Variants in SPEM2 observed in about 807,000 individuals in gnomAD.
The protein encoded by SPEM2 is uncharacterized protein SPEM2.
Under a neutral mutation model 9.3 loss-of-function variants are expected in SPEM2, and 15 were observed. The observed-to-expected ratio is 1.62, with a 90% confidence interval of 1.08 to 2.50. The LOEUF (loss-of-function observed/expected upper bound fraction) is 2.50, where lower values mean the gene tolerates loss of function less well. SPEM2 is among the 30% of genes most tolerant of loss of function. SPEM2 has a pLI of 0.00. For missense variants in SPEM2, 678 were observed against 690.0 expected (o/e 0.98, Z 0.19); for synonymous variants, 268 against 272.4 (o/e 0.98, Z 0.16).
chr17:7,425,680 C>T lies in SPEM2; in HGVS notation c.-9C>T, dbSNP rs759680333. 2 of 1,612,844 alleles carry T rather than the reference C, an allele frequency of 1.2e-6. No individual in the cohort carries two copies. Among genetic ancestry groups the T allele is most frequent in the Admixed American group, 1.7e-5 (1 of 59,942 alleles). ...GGGGTGGCCCAGGTGGCCCTAGGAC[C>T]CCCCCTCCATGGAAAACCAGCTATG... is the stretch of plus-strand genomic sequence containing the variant. On this transcript the variant is annotated 5_prime_UTR_variant, in exon 1 of 3. Coordinates refer to ENST00000333870, the MANE Select transcript of SPEM2 (RefSeq NM_175734.5).
rs115992886 is a variant in SPEM2, at chr17:7,426,013, C to A, written c.159C>A (p.Asn53Lys). The A allele has an allele frequency of 1.2e-6, 2 of 1,614,176 alleles. No homozygotes were observed. Among genetic ancestry groups the A allele is most frequent in the South Asian group, 1.1e-5 (1 of 91,088 alleles). Reference protein sequence around the residue: ...VATMMWHGLQNALDKMIDWAT... With the variant: ...VATMMWHGLQKALDKMIDWAT... Reference sequence around the variant, plus strand: ...CCCAGATGTGGCATGGACTCCAGAACGCCTTAGACAAGATGATTGATTGGG... The same window carrying A: ...CCCAGATGTGGCATGGACTCCAGAAAGCCTTAGACAAGATGATTGATTGGG... Residue 53 changes from asparagine (N) to lysine (K), a missense_variant, in exon 2 of 3, where the codon AAC becomes AAA. Coordinates refer to ENST00000333870, the MANE Select transcript of SPEM2 (RefSeq NM_175734.5). The surrounding 1 kb of genome is among the most constrained non-coding windows in gnomAD (Gnocchi z 5.3).
Position 7,426,443 on chromosome 17 carries a change from TC to T in SPEM2, c.457del (p.His153IlefsTer95), listed in dbSNP as rs1171031583. 1 of 1,613,384 alleles carries T rather than the reference TC, an allele frequency of 6.2e-7. No homozygotes were observed. Among genetic ancestry groups the T allele is most frequent in the African/African-American group, 1.3e-5 (1 of 74,806 alleles). ...HQQRPQNYRQ[I>X]PHSHSVFRNP... ...CAGCGGCCGCAGAACTACAGACAAA[TC>T]CCCCATAGCCACTCAGTCTTCCGTA... On this transcript the variant is annotated frameshift_variant, in exon 3 of 3. Coordinates refer to ENST00000333870, the MANE Select transcript of SPEM2 (RefSeq NM_175734.5). LOFTEE classifies it low-confidence loss of function (END_TRUNC). This position sits in a 1 kb window ranked among gnomAD's most constrained non-coding sequence, Gnocchi z 5.3.
rs1187264958 is a variant in SPEM2, at chr17:7,426,692, T to C, written c.701T>C (p.Leu234Pro). 3 of 1,613,870 alleles carry C rather than the reference T, an allele frequency of 1.9e-6. No homozygotes were observed. Among genetic ancestry groups the C allele is most frequent in the African/African-American group, 2.7e-5 (2 of 74,924 alleles). ...GILASLPPPSLYLSPELRCMP... is the reference protein window; with the variant it reads ...GILASLPPPSPYLSPELRCMP... ...CTGGCCAGTCTGCCACCACCCTCTC[T>C]CTACCTGTCACCTGAGCTGCGCTGC... Residue 234 changes from leucine to proline, a missense_variant, in exon 3 of 3, where the codon CTC (leucine) becomes CCC (proline). Leu to Pro is a moderately conservative substitution (Grantham distance 98). Transcript: ENST00000333870. This position sits in a 1 kb window ranked among gnomAD's most constrained non-coding sequence, Gnocchi z 5.3.
Position 7,426,030 on chromosome 17 carries a change from T to C in SPEM2, c.176T>C (p.Ile59Thr). 1 of 1,614,114 alleles carries C rather than the reference T, an allele frequency of 6.2e-7. No individual in the cohort carries two copies. Among genetic ancestry groups the C allele is most frequent in the Non-Finnish European group, 8.5e-7 (1 of 1,180,028 alleles). ...CTCCAGAACGCCTTAGACAAGATGATTGATTGGGCTACTCAGAAAAGTAAG... is the reference window on the plus strand; with the variant it reads ...CTCCAGAACGCCTTAGACAAGATGACTGATTGGGCTACTCAGAAAAGTAAG... ...HGLQNALDKM[I>T]DWATQKNEIQ... Residue 59 changes from isoleucine to threonine, a missense_variant, in exon 2 of 3, where the codon ATT (isoleucine) becomes ACT (threonine). Transcript: ENST00000333870. The surrounding 1 kb of genome is among the most constrained non-coding windows in gnomAD (Gnocchi z 5.3).
Position 7,425,768 on chromosome 17 carries a change from T to C in SPEM2, c.80T>C (p.Leu27Ser). The C allele has an allele frequency of 6.2e-7, 1 of 1,614,214 alleles. No homozygotes were observed. Among genetic ancestry groups the C allele is most frequent in the South Asian group, 1.1e-5 (1 of 91,092 alleles). ...AGCCCCCACGATGCCGAGGACATCT[T>C]ACTCCTGCTGCTGGGCCTCATCGTT... ...QESPHDAEDI[L>S]LLLLGLIVLV... Residue 27 changes from leucine (L) to serine (S), a missense_variant, in exon 1 of 3, where the codon TTA becomes TCA. Leu to Ser is a moderately radical substitution (Grantham distance 145). Coordinates refer to ENST00000333870, the MANE Select transcript of SPEM2 (RefSeq NM_175734.5).
rs532822142 is a variant in SPEM2, at chr17:7,426,421, C to T, written c.430C>T (p.Arg144Trp). The change falls in exon 3 of 3, where the codon CGG (arginine) becomes TGG (tryptophan). Residue 144 changes from arginine (R) to tryptophan (W), a missense_variant. Arg to Trp is a moderately radical substitution (Grantham distance 101, BLOSUM62 -3). Transcript: ENST00000333870. The surrounding 1 kb of genome is among the most constrained non-coding windows in gnomAD (Gnocchi z 5.3). ...CRRRCCNHQQ[R>W]PQNYRQIPHS... ...CCGTCGCTGCTGCAACCACCAGCAGCGGCCGCAGAACTACAGACAAATCCC... is the reference window on the plus strand; with the variant it reads ...CCGTCGCTGCTGCAACCACCAGCAGTGGCCGCAGAACTACAGACAAATCCC... The T allele has an allele frequency of 1.5e-4, 237 of 1,613,652 alleles. 1 individual carries two copies. The East Asian group carries it at 2.6e-3, about 17-fold the overall frequency.
chr17:7,425,628 G>A lies in SPEM2; in HGVS notation c.-61G>A. ...GGGGATTGGCATGAGTGCAGTGTGG[G>A]TTGGGGCCGGGGGTGGGGGGCAGAG... On this transcript the variant is annotated 5_prime_UTR_variant, in exon 1 of 3. Coordinates refer to ENST00000333870, the MANE Select transcript of SPEM2 (RefSeq NM_175734.5). The A allele has an allele frequency of 6.5e-7, 1 of 1,540,058 alleles. No individual in the cohort carries two copies. Among genetic ancestry groups the A allele is most frequent in the Non-Finnish European group, 8.8e-7 (1 of 1,141,640 alleles).
Position 7,426,201 on chromosome 17 carries a change from C to A in SPEM2, c.210C>A (p.Ala70=), listed in dbSNP as rs773820752. 6.2e-7 allele frequency: 1 copy of A among 1,613,348 alleles called. No homozygotes were observed. The highest frequency in any genetic ancestry group is 1.1e-5 in the South Asian group (1 of 91,050). Residue 70 remains alanine (A), a synonymous_variant, in exon 3 of 3, where the codon GCC becomes GCA. Coordinates refer to ENST00000333870, the MANE Select transcript of SPEM2 (RefSeq NM_175734.5). This position sits in a 1 kb window ranked among gnomAD's most constrained non-coding sequence, Gnocchi z 5.3. ...DWATQKNEIQ[A]SESPPSGPPD... Reference sequence around the variant, plus strand: ...TGCCTTCCCCAGATGAAATTCAGGCCAGTGAAAGTCCCCCAAGTGGTCCCC... The same window carrying A: ...TGCCTTCCCCAGATGAAATTCAGGCAAGTGAAAGTCCCCCAAGTGGTCCCC...
rs745414742 is a variant in SPEM2 at position 7,426,044 on chromosome 17, CA to C, written c.191del (p.Gln64ArgfsTer33). Reference protein sequence around the residue: ...ALDKMIDWATQKNEIQASESP... With the variant: ...ALDKMIDWATXKNEIQASESP... ...AGACAAGATGATTGATTGGGCTACT[CA>C]GAAAAGTAAGTGTGGCTGCTGGAGA... On this transcript the variant is annotated frameshift_variant, in exon 2 of 3. Coordinates refer to ENST00000333870, the MANE Select transcript of SPEM2 (RefSeq NM_175734.5). LOFTEE classifies it low-confidence loss of function (END_TRUNC). The surrounding 1 kb of genome is among the most constrained non-coding windows in gnomAD (Gnocchi z 5.3). The C allele has an allele frequency of 7.4e-5, 119 of 1,614,050 alleles. No homozygotes were observed. The highest frequency in any genetic ancestry group is 9.8e-5 in the Non-Finnish European group (116 of 1,180,046).
chr17:7,426,274 C>G lies in SPEM2; in HGVS notation c.283C>G (p.Gln95Glu). ...CATCCACTGCATCCTGGACCCTGTG[C>G]AGGTGAAGATGTCCCGACCCACGCA... ...VHIHCILDPV[Q>E]VKMSRPTQYS... is the part of the protein sequence containing the mutation. The change falls in exon 3 of 3, where the codon CAG becomes GAG. Residue 95 changes from glutamine to glutamate, a missense_variant. Transcript: ENST00000333870. The surrounding 1 kb of genome is among the most constrained non-coding windows in gnomAD (Gnocchi z 5.3). 1 of 1,614,180 alleles carries G rather than the reference C, an allele frequency of 6.2e-7. No homozygotes were observed. Among genetic ancestry groups the G allele is most frequent in the Non-Finnish European group, 8.5e-7 (1 of 1,180,016 alleles).
At position 7,426,844 on chromosome 17, in the gene SPEM2, C is replaced by T. The variant is rs555691193; in HGVS notation, c.853C>T (p.Arg285Trp). Residue 285 changes from arginine to tryptophan, a missense_variant, in exon 3 of 3, where the codon CGG becomes TGG. Arg to Trp is a moderately radical substitution (Grantham distance 101). Transcript: ENST00000333870. This position sits in a 1 kb window ranked among gnomAD's most constrained non-coding sequence, Gnocchi z 5.3. ...QWASSPPPPH[R>W]LPPNPSWVPV... is the part of the protein sequence containing the mutation. ...GGCCTCGTCTCCACCACCTCCCCAC[C>T]GGCTGCCCCCTAACCCCTCTTGGGT... 8.8e-5 allele frequency: 142 copies of T among 1,610,160 alleles called. 2 individuals carry two copies. The South Asian group carries it at 1.3e-3, about 15-fold the overall frequency.
chr17:7,426,674 G>A lies in SPEM2; in HGVS notation c.683G>A (p.Ser228Asn). 1 of 1,614,022 alleles carries A rather than the reference G, an allele frequency of 6.2e-7. No individual in the cohort carries two copies. Among genetic ancestry groups the A allele is most frequent in the Non-Finnish European group, 8.5e-7 (1 of 1,180,002 alleles). ...LWGHQGGILA[S>N]LPPPSLYLSP... is the part of the protein sequence containing the mutation. ...GGCCACCAGGGTGGTATCCTGGCCA[G>A]TCTGCCACCACCCTCTCTCTACCTG... Residue 228 changes from serine (S) to asparagine (N), a missense_variant, in exon 3 of 3, where the codon AGT becomes AAT. Transcript: ENST00000333870. The surrounding 1 kb of genome is among the most constrained non-coding windows in gnomAD (Gnocchi z 5.3).
Position 7,426,256 on chromosome 17 carries a change from T to C in SPEM2, c.265T>C (p.Cys89Arg). 1 of 1,614,098 alleles carries C rather than the reference T, an allele frequency of 6.2e-7. No homozygotes were observed. Among genetic ancestry groups the C allele is most frequent in the Non-Finnish European group, 8.5e-7 (1 of 1,179,972 alleles). ...PDKAQDVHIH[C>R]ILDPVQVKMS... ...CAAGGCTCAGGATGTCCACATCCACTGCATCCTGGACCCTGTGCAGGTGAA... is the reference window on the plus strand; with the variant it reads ...CAAGGCTCAGGATGTCCACATCCACCGCATCCTGGACCCTGTGCAGGTGAA... Residue 89 changes from cysteine to arginine, a missense_variant, in exon 3 of 3, where the codon TGC (cysteine) becomes CGC (arginine). Cys to Arg is a radical substitution (Grantham distance 180, BLOSUM62 -3). Transcript: ENST00000333870. This position sits in a 1 kb window ranked among gnomAD's most constrained non-coding sequence, Gnocchi z 5.3.
Position 7,427,469 on chromosome 17 carries a change from A to C in SPEM2, c.1478A>C (p.His493Pro), listed in dbSNP as rs1597733529. 2 of 1,589,986 alleles carry C rather than the reference A, an allele frequency of 1.3e-6. No individual in the cohort carries two copies. The highest frequency in any genetic ancestry group is 2.2e-5 in the East Asian group (1 of 44,538). Residue 493 changes from histidine to proline, a missense_variant, in exon 3 of 3, where the codon CAC (histidine) becomes CCC (proline). Coordinates refer to ENST00000333870, the MANE Select transcript of SPEM2 (RefSeq NM_175734.5). The surrounding 1 kb of genome is among the most constrained non-coding windows in gnomAD (Gnocchi z 5.4). The stretch of plus-strand genomic sequence containing the variant: ...ACCTCCACCTTGAGGCCCTCTCTGC[A>C]CAGGAGCCAGACCGAGAAACTCAAC... Reference protein sequence around the residue: ...ASTSTLRPSLHRSQTEKLN With the variant: ...ASTSTLRPSLPRSQTEKLN
chr17:7,427,376 A>G lies in SPEM2; in HGVS notation c.1385A>G (p.Asp462Gly), dbSNP rs748174437. 5.0e-6 allele frequency: 8 copies of G among 1,613,842 alleles called. No individual in the cohort carries two copies. In the African/African-American group the frequency reaches 9.3e-5, roughly 19 times the overall value. ...GGCAATGCCAACTACCAGGTGTACGACAGCCTGGAGCTGAAGCGGCAGGTG... is the reference window on the plus strand; with the variant it reads ...GGCAATGCCAACTACCAGGTGTACGGCAGCCTGGAGCTGAAGCGGCAGGTG... ...PGGNANYQVY[D>G]SLELKRQVQK... Residue 462 changes from aspartate (D) to glycine (G), a missense_variant, in exon 3 of 3, where the codon GAC (aspartate) becomes GGC (glycine). Asp to Gly is a moderately conservative substitution (Grantham distance 94). Transcript: ENST00000333870. The surrounding 1 kb of genome is among the most constrained non-coding windows in gnomAD (Gnocchi z 5.4).
In SPEM2 at chr17:7,427,520, G is replaced by A. The variant is rs1023470007; in HGVS notation, c.*23G>A. 6 of 1,547,674 alleles carry A rather than the reference G, an allele frequency of 3.9e-6. No individual in the cohort carries two copies. Among genetic ancestry groups the A allele is most frequent in the Admixed American group, 1.9e-5 (1 of 52,064 alleles). On this transcript the variant is annotated 3_prime_UTR_variant, in exon 3 of 3. Transcript: ENST00000333870. The surrounding 1 kb of genome is among the most constrained non-coding windows in gnomAD (Gnocchi z 5.4). ...TGACCAGCAGGCGGATGTGGGGTGT[G>A]GGGCAGGGCATGGAGGGAGAGGAAT...
chr17:7,426,496 C>G lies in SPEM2; in HGVS notation c.505C>G (p.Gln169Glu). 1 of 1,614,070 alleles carries G rather than the reference C, an allele frequency of 6.2e-7. No homozygotes were observed. The highest frequency in any genetic ancestry group is 2.2e-5 in the East Asian group (1 of 44,884). Residue 169 changes from glutamine (Q) to glutamate (E), a missense_variant, in exon 3 of 3, where the codon CAA becomes GAA. Coordinates refer to ENST00000333870, the MANE Select transcript of SPEM2 (RefSeq NM_175734.5). This position sits in a 1 kb window ranked among gnomAD's most constrained non-coding sequence, Gnocchi z 5.3. ...CCCACATCGCAGCCAAAAGATGTCA[C>G]AACTACACCGAGTGCCTTTCTTTGA... ...RNPHRSQKMS[Q>E]LHRVPFFDQE... is the part of the protein sequence containing the mutation.
rs1457026202 is a variant in SPEM2 at position 7,426,848 on chromosome 17, T to C, written c.857T>C (p.Leu286Pro). The change falls in exon 3 of 3, where the codon CTG becomes CCG. Residue 286 changes from leucine to proline, a missense_variant. Leu to Pro is a moderately conservative substitution (Grantham distance 98, BLOSUM62 -3). Transcript: ENST00000333870. The surrounding 1 kb of genome is among the most constrained non-coding windows in gnomAD (Gnocchi z 5.3). ...WASSPPPPHR[L>P]PPNPSWVPVG... ...TCGTCTCCACCACCTCCCCACCGGCTGCCCCCTAACCCCTCTTGGGTCCCC... is the reference window on the plus strand; with the variant it reads ...TCGTCTCCACCACCTCCCCACCGGCCGCCCCCTAACCCCTCTTGGGTCCCC... 1 of 1,610,986 alleles carries C rather than the reference T, an allele frequency of 6.2e-7. No homozygotes were observed. The highest frequency in any genetic ancestry group is 1.3e-5 in the African/African-American group (1 of 74,908).
At chr17:7,425,928 G>A (rs1275820931) in intron 1 of SPEM2, 65 bp from the exon 2 acceptor site, 10 of 1,611,656 alleles carry the variant, frequency 6.2e-6, no homozygotes, top group Admixed American at 3.3e-5. Context: ...AGATTGGGGC[G>A]GGGGCAGGGG....
Sources: allele counts gnomAD v4.1 joint callset, GRCh38; gene constraint gnomAD v4.1.1; non-coding constraint Gnocchi (gnomAD v3.1); transcripts MANE v1.5; gene names NCBI Gene and HGNC (gene_info 2026-07-23, HGNC 2026-07-21).